The following ASCC3 variants were observed in gnomAD, a reference collection of about 807,000 sequenced individuals.
The protein encoded by ASCC3 is activating signal cointegrator 1 complex subunit 3, also known as ASC-1 complex subunit P200.
A neutral mutation model predicts 256.3 loss-of-function variants in ASCC3; 158 were observed. The observed-to-expected ratio is 0.62, with a 90% CI of 0.54 to 0.70. The LOEUF is 0.70. ASCC3 is among the 30% of genes least tolerant of loss of function. The pLI, the probability that ASCC3 is intolerant of heterozygous loss-of-function variation, is 0.00. For synonymous variants in ASCC3, 948 were observed against 883.4 expected, an observed-to-expected ratio of 1.07 and a Z score of -1.30; for missense variants, 2,259 against 2,626.0, an observed-to-expected ratio of 0.86 and a Z score of 3.05.
chr6:100,632,876 A>G (rs1486787116), intron 25 of ASCC3, among the ~76,000 whole-genome samples: 1 of 152,182 alleles, frequency 6.6e-6, no homozygotes, highest in East Asian at 1.9e-4. Context: ...AGAAGAAAAC[A>G]TAAGGAAAAA....
At chr6:100,707,214 A>G (rs1582732080) in intron 13 of ASCC3, among the ~76,000 whole-genome samples, 1 of 152,154 alleles carries the variant, frequency 6.6e-6, no homozygotes, top group Non-Finnish European at 1.5e-5. Context: ...TTGCTGGGAC[A>G]CAAAAAGTAA....
chr6:100,563,488 G>A (rs1237877356), intron 36 of ASCC3, among the ~76,000 whole-genome samples: 1 of 152,026 alleles, frequency 6.6e-6, no homozygotes, highest in Admixed American at 6.6e-5. Flanking sequence ...CTTTTTATTT[G>A]GTTAGTGTTT....
intron 30 of ASCC3, among the ~76,000 whole-genome samples, chr6:100,612,073 C>T (rs1773427584): frequency 6.6e-6 from 1 of 151,878 alleles, no homozygotes; most frequent in African/African-American, 2.4e-5. Flanking sequence ...AGGTAGTGAT[C>T]TTTTTCTTAA....
At chr6:100,783,825 T>C (rs1582858517) in intron 8 of ASCC3, among the ~76,000 whole-genome samples, 2 of 152,216 alleles carry the variant, frequency 1.3e-5, no homozygotes, top group East Asian at 3.8e-4. Context: ...CACTAATCTA[T>C]TTAGCAACCA....
At chr6:100,700,453 A>C (rs910130340) in intron 13 of ASCC3, among the ~76,000 whole-genome samples, 21 of 152,178 alleles carry the variant, frequency 1.4e-4, no homozygotes, top group African/African-American at 5.1e-4. Flanking sequence ...CTACTGGGGC[A>C]CCACCTAGTA....
At chr6:100,865,784 A>G (rs1773446844) in intron 2 of ASCC3, among the ~76,000 whole-genome samples, 2 of 152,168 alleles carry the variant, frequency 1.3e-5, no homozygotes, top group Non-Finnish European at 1.5e-5. Context: ...TTCATATACT[A>G]TATTACATGG....
rs916875111 is a variant in ASCC3 at position 100,848,326 on chromosome 6, C to T, written c.623G>A (p.Cys208Tyr). The T allele has an allele frequency of 3.7e-6, 6 of 1,614,076 alleles. No individual in the cohort carries two copies. The highest frequency in any genetic ancestry group is 5.1e-6 in the Non-Finnish European group (6 of 1,179,998). Residue 208 changes from cysteine to tyrosine, a missense_variant, in exon 4 of 42, where the codon TGC (cysteine) becomes TAC (tyrosine). By Grantham distance (194) the Cys-to-Tyr change is radical. Transcript: ENST00000369162. ...TTCCACAGGCTTGAGTTCTGGGGTG[C>T]AAGCCTCCTGGAGATGTTCATTCAG... Reference protein sequence around the residue: ...KFLNEHLQEACTPELKPVEKT... With the variant: ...KFLNEHLQEAYTPELKPVEKT...
chr6:100,579,102 T>C (rs1207542760), intron 36 of ASCC3, among the ~76,000 whole-genome samples: 1 of 152,092 alleles, frequency 6.6e-6, no homozygotes, highest in Non-Finnish European at 1.5e-5. Context: ...CTTTTTTTCC[T>C]ATGCTTGTTG....
chr6:100,800,341 T>G lies in ASCC3; in HGVS notation c.1086A>C (p.Glu362Asp). The change falls in exon 6 of 42, where the codon GAA becomes GAC. Residue 362 changes from glutamate (E) to aspartate (D), a missense_variant. Glu to Asp is a conservative substitution (Grantham distance 45). This residue lies in a region of ASCC3 where 420 missense variants were observed against 419.3 expected (regional missense o/e 1.00). Coordinates refer to ENST00000369162, the MANE Select transcript of ASCC3 (RefSeq NM_006828.4). ...CCTTAGGATCAAAGCACATAAGTCCTTCTGAAACTTCTAAATCTTCTCCAG... is the reference window on the plus strand; with the variant it reads ...CCTTAGGATCAAAGCACATAAGTCCGTCTGAAACTTCTAAATCTTCTCCAG... ...KKAGEDLEVS[E>D]GLMCFDPKEL... 3.1e-6 allele frequency: 5 copies of G among 1,613,056 alleles called. No homozygotes were observed. The highest frequency in any genetic ancestry group is 4.2e-6 in the Non-Finnish European group (5 of 1,179,338).
Position 100,627,705 on chromosome 6 carries a change from G to T in ASCC3, c.4527C>A (p.Gly1509=), listed in dbSNP as rs780912727. The change falls in exon 29 of 42, where the codon GGC becomes GGA. Residue 1509 remains glycine, a synonymous_variant. Transcript: ENST00000369162. The part of the protein sequence containing the change: ...LADWLNIKQM[G]LFNFRPSVRP... ...GTACTGATGGTCGGAAGTTAAACAA[G>T]CCCATCTAGAGTAAATATGAGAGAG... 1.9e-6 allele frequency: 3 copies of T among 1,613,332 alleles called. No individual in the cohort carries two copies. In the East Asian group the frequency reaches 6.7e-5, roughly 36 times the overall value.
In ASCC3 at chr6:100,641,530, C is replaced by G. The variant is rs535786398; in HGVS notation, c.3901+1051G>C. ...AGTGTCTGTTCATATCCTTTGCCCA[C>G]TTGTTGATGGGGTTTTTTATTTTAC... On this transcript the variant is annotated intron_variant, in intron 24 of 41. Transcript: ENST00000369162. Among the ~76,000 whole-genome samples the G allele has an allele frequency of 2.3e-4, 35 of 152,268 alleles. No homozygotes were observed. The South Asian group carries it at 6.6e-3, about 29-fold the overall frequency.
intron 1 of ASCC3, among the ~76,000 whole-genome samples, chr6:100,878,838 A>C (rs1769134775): frequency 6.6e-6 from 1 of 152,194 alleles, no homozygotes; most frequent in Non-Finnish European, 1.5e-5. Flanking sequence ...CTCCCCATGC[A>C]CCAAGCAAAC....
intron 33 of ASCC3, among the ~76,000 whole-genome samples, chr6:100,602,900 C>T (rs185217690): frequency 1.3e-3 from 192 of 152,040 alleles, no homozygotes; most frequent in African/African-American, 4.4e-3. Context: ...GCAAAGGACA[C>T]GAGAAAATAG....
intron 10 of ASCC3, among the ~76,000 whole-genome samples, chr6:100,753,367 C>T (rs11155636): frequency 0.47 from 70,312 of 150,074 alleles, 16,592 homozygotes; most frequent in South Asian, 0.6. Context: ...TAAAATATCA[C>T]CATTAAAATT....
At chr6:100,811,222 T>G (rs1460902369) in intron 4 of ASCC3, among the ~76,000 whole-genome samples, 1 of 152,192 alleles carries the variant, frequency 6.6e-6, no homozygotes, top group Non-Finnish European at 1.5e-5. Flanking sequence ...AAGTATTAAC[T>G]CTGTATTTAA....
intron 4 of ASCC3, among the ~76,000 whole-genome samples, chr6:100,833,972 A>G (rs1435784943): frequency 6.6e-6 from 1 of 152,110 alleles, no homozygotes; most frequent in African/African-American, 2.4e-5. Context: ...CAGTTACTTA[A>G]GGAGAATCGC....
At chr6:100,821,573 C>G (rs567657499) in intron 4 of ASCC3, among the ~76,000 whole-genome samples, 27 of 152,190 alleles carry the variant, frequency 1.8e-4, no homozygotes, top group African/African-American at 6.5e-4. Context: ...CGCCTATAAT[C>G]TCAGCACTTT....
intron 10 of ASCC3, among the ~76,000 whole-genome samples, chr6:100,761,788 C>T (rs985004300): frequency 2.6e-5 from 4 of 152,160 alleles, no homozygotes; most frequent in African/African-American, 4.8e-5. Flanking sequence ...AAATTTAAAG[C>T]GAAAAGCCCA....
chr6:100,746,433 A>T (rs1182478285), intron 10 of ASCC3, among the ~76,000 whole-genome samples: 1 of 152,182 alleles, frequency 6.6e-6, no homozygotes, highest in African/African-American at 2.4e-5. Context: ...AAAAGTGTTT[A>T]AAAAATTAAA....
Sources: allele counts gnomAD v4.1 joint callset (sites outside exome capture counted in the v4.1 genomes callset), GRCh38; gene constraint gnomAD v4.1.1; regional missense constraint gnomAD v4.1.1; transcripts MANE v1.5; gene names NCBI Gene and HGNC (gene_info 2026-07-23, HGNC 2026-07-21).